The following PHRF1 variants were observed in gnomAD, a reference collection of about 807,000 sequenced individuals.
PHRF1 encodes PHD and ring finger domains 1.
A neutral mutation model predicts 128.9 loss-of-function variants in PHRF1; 53 were observed. The ratio of observed to expected loss-of-function variants is 0.41; its 90% CI spans 0.33 to 0.52. The LOEUF (loss-of-function observed/expected upper bound fraction) is 0.52, where lower values mean the gene tolerates loss of function less well. Among genes scored for constraint, PHRF1 ranks in the 20% least tolerant of loss-of-function variants. The pLI is 0.21. For missense variants in PHRF1, 2,503 were observed against 2,284.5 expected, an observed-to-expected ratio of 1.10 and a Z score of -1.95; for synonymous variants, 1,178 against 980.6, an observed-to-expected ratio of 1.20 and a Z score of -3.76.
At chr11:584,513 TG>T (rs1854406970) in intron 3 of PHRF1, among the ~76,000 whole-genome samples, 2 of 150,486 alleles carry the variant, frequency 1.3e-5, no homozygotes, top group South Asian at 4.3e-4. Context: ...GGACCTGGGG[TG>T]GGGAGAGGCT....
intron 1 of PHRF1, among the ~76,000 whole-genome samples, chr11:579,233 C>T (rs910567064): frequency 9.3e-5 from 14 of 150,934 alleles, no homozygotes; most frequent in Non-Finnish European, 1.8e-4. Flanking sequence ...CCCAGCCCTG[C>T]TCCTCCCCCC....
rs756838361 is a variant in PHRF1 at position 587,410 on chromosome 11, G to A, written c.366G>A (p.Thr122=). Residue 122 remains threonine, a synonymous_variant, in exon 4 of 18, where the codon ACG becomes ACA. Coordinates refer to ENST00000264555, the MANE Select transcript of PHRF1 (RefSeq NM_001286581.2). ...LNAFRDQAVG[T]PENCAHYFCL... ...CATTCAGAGACCAGGCCGTGGGGACGCCGGAGAACTGTGCCCATTACTTCT... is the reference window on the plus strand; with the variant it reads ...CATTCAGAGACCAGGCCGTGGGGACACCGGAGAACTGTGCCCATTACTTCT... 2.3e-5 allele frequency: 37 copies of A among 1,613,784 alleles called. No homozygotes were observed. The South Asian group carries it at 2.9e-4, about 12-fold the overall frequency.
Position 606,529 on chromosome 11 carries a change from C to T in PHRF1, c.1542C>T (p.Ser514=). The T allele has an allele frequency of 1.9e-6, 3 of 1,610,534 alleles. No individual in the cohort carries two copies. Among genetic ancestry groups the T allele is most frequent in the Non-Finnish European group, 2.5e-6 (3 of 1,179,672 alleles). ...TGGGCAGCATCCTGTCGGGCCAGAG[C>T]CTCCTGATGCTGGGCAGCAGTGATG... The part of the protein sequence containing the change: ...DLLGSILSGQ[S]LLMLGSSDVI... The change falls in exon 13 of 18, where the codon AGC becomes AGT. Residue 514 remains serine (S), a synonymous_variant. Coordinates refer to ENST00000264555, the MANE Select transcript of PHRF1 (RefSeq NM_001286581.2).
chr11:602,290 T>C (rs760659666), intron 10 of PHRF1, among the ~76,000 whole-genome samples: 17 of 152,240 alleles, frequency 1.1e-4, no homozygotes, highest in Non-Finnish European at 2.2e-4. Context: ...TGGAGGGTGG[T>C]GTGTCATTCG....
intron 10 of PHRF1, among the ~76,000 whole-genome samples, chr11:603,016 C>T (rs1422453103): frequency 6.6e-6 from 1 of 151,862 alleles, no homozygotes; most frequent in Non-Finnish European, 1.5e-5. Context: ...CCACCTCGGC[C>T]CCCAAAGTGC....
Position 611,774 on chromosome 11 carries a change from C to A in PHRF1, c.4947C>A (p.Gly1649=). 6.2e-7 allele frequency: 1 copy of A among 1,601,434 alleles called. No homozygotes were observed. Among genetic ancestry groups the A allele is most frequent in the South Asian group, 1.1e-5 (1 of 89,986 alleles). The stretch of plus-strand genomic sequence containing the variant: ...AGCCGCCCACGCAGGGGGCCGAGGG[C>A]TGAGGCCAGGCAATCACGGGCTATG... ...GEEPPTQGAE[G] is the part of the protein sequence containing the mutation. Residue 1649 remains glycine (G), a synonymous_variant, in exon 18 of 18, where the codon GGC becomes GGA. Transcript: ENST00000264555.
intron 12 of PHRF1, among the ~76,000 whole-genome samples, chr11:606,019 G>C (rs1855919674): frequency 6.6e-6 from 1 of 152,172 alleles, no homozygotes; most frequent in Admixed American, 6.5e-5. Flanking sequence ...ACACCGCCTC[G>C]GGCAGGAGCA....
rs1017701294 is a variant in PHRF1, at chr11:607,723, A to T, written c.2267A>T (p.His756Leu). The T allele has an allele frequency of 6.2e-6, 10 of 1,611,792 alleles. No homozygotes were observed. The South Asian group carries it at 9.9e-5, about 16-fold the overall frequency. ...GSSRPPAPSS[H>L]GSLAPLGPSR... ...TCCCGGCCCCCAGCCCCCAGCTCCC[A>T]TGGCAGTTTGGCCCCACTGGGACCA... Residue 756 changes from histidine (H) to leucine (L), a missense_variant, in exon 14 of 18, where the codon CAT (histidine) becomes CTT (leucine). By Grantham distance (99) the His-to-Leu change is moderately conservative. Coordinates refer to ENST00000264555, the MANE Select transcript of PHRF1 (RefSeq NM_001286581.2).
chr11:607,722 C>G lies in PHRF1; in HGVS notation c.2266C>G (p.His756Asp). Reference sequence around the variant, plus strand: ...CTCCCGGCCCCCAGCCCCCAGCTCCCATGGCAGTTTGGCCCCACTGGGACC... The same window carrying G: ...CTCCCGGCCCCCAGCCCCCAGCTCCGATGGCAGTTTGGCCCCACTGGGACC... ...GSSRPPAPSSHGSLAPLGPSR... is the reference protein window; with the variant it reads ...GSSRPPAPSSDGSLAPLGPSR... Residue 756 changes from histidine (H) to aspartate (D), a missense_variant, in exon 14 of 18, where the codon CAT becomes GAT. Coordinates refer to ENST00000264555, the MANE Select transcript of PHRF1 (RefSeq NM_001286581.2). 1 of 1,611,952 alleles carries G rather than the reference C, an allele frequency of 6.2e-7. No individual in the cohort carries two copies. The highest frequency in any genetic ancestry group is 8.5e-7 in the Non-Finnish European group (1 of 1,179,398).
rs567380953 is a variant in PHRF1 at position 605,666 on chromosome 11, C to G, written c.1396C>G (p.Arg466Gly). 2.5e-6 allele frequency: 4 copies of G among 1,613,418 alleles called. No homozygotes were observed. Among genetic ancestry groups the G allele is most frequent in the African/African-American group, 1.3e-5 (1 of 74,942 alleles). ...PLSAKRRALS[R>G]SALQSHQPVA... ...GAGTGCCAAGAGACGGGCTCTGTCC[C>G]GGTCAGCCCTGCAGTCCCACCAGCC... Residue 466 changes from arginine (R) to glycine (G), a missense_variant, in exon 12 of 18, where the codon CGG (arginine) becomes GGG (glycine). By Grantham distance (125) the Arg-to-Gly change is moderately radical (BLOSUM62 -2). Coordinates refer to ENST00000264555, the MANE Select transcript of PHRF1 (RefSeq NM_001286581.2).
intron 9 of PHRF1, among the ~76,000 whole-genome samples, chr11:599,356 T>G (rs931983029): frequency 6.6e-6 from 1 of 151,652 alleles, no homozygotes; most frequent in Non-Finnish European, 1.5e-5. Context: ...GTTCAAGTGT[T>G]TCTCCTGCCT....
In PHRF1 at chr11:606,488, C is replaced by G; in HGVS notation, c.1501C>G (p.Pro501Ala). The change falls in exon 13 of 18, where the codon CCA becomes GCA. Residue 501 changes from proline to alanine, a missense_variant. By Grantham distance (27) the Pro-to-Ala change is conservative. Coordinates refer to ENST00000264555, the MANE Select transcript of PHRF1 (RefSeq NM_001286581.2). ...GCCAGAGCCAGACTTGGAGGAGGAG[C>G]CAGTGCCTGACCTGCTGGGCAGCAT... is the stretch of plus-strand genomic sequence containing the variant. ...AVPEPDLEEE[P>A]VPDLLGSILS... The G allele has an allele frequency of 6.3e-7, 1 of 1,597,308 alleles. No individual in the cohort carries two copies.
chr11:603,674 C>T (rs950760386), intron 10 of PHRF1, among the ~76,000 whole-genome samples: 2 of 150,544 alleles, frequency 1.3e-5, no homozygotes, highest in Non-Finnish European at 2.9e-5. Context: ...TTGTTTATTT[C>T]CTAGTAAATA....
At chr11:592,490 G>T in intron 5 of PHRF1, 69 bp from the exon 6 acceptor site, 2 of 1,480,016 alleles carry the variant, frequency 1.4e-6, no homozygotes, top group Non-Finnish European at 9.5e-7. Context: ...GATTAACTGC[G>T]TTTCACGCTG....
intron 3 of PHRF1, among the ~76,000 whole-genome samples, chr11:585,069 A>G (rs1229558425): frequency 6.6e-6 from 1 of 152,178 alleles, no homozygotes; most frequent in Non-Finnish European, 1.5e-5. Context: ...AGAAGTAGCC[A>G]GTGGGTCCCT....
In PHRF1 at chr11:581,994, G is replaced by C. The variant is rs202082756; in HGVS notation, c.127G>C (p.Gly43Arg). The change falls in exon 3 of 18, where the codon GGG (glycine) becomes CGG (arginine). Residue 43 changes from glycine to arginine, a missense_variant. Transcript: ENST00000264555. ...ESSVGSSGDS[G>R]DDSDSEHGDG... is the part of the protein sequence containing the mutation. ...CAGCGTGGGCAGCAGTGGGGACTCT[G>C]GGGACGACAGTGACAGCGAGCATGG... The C allele has an allele frequency of 1.2e-6, 2 of 1,606,984 alleles. No homozygotes were observed. Among genetic ancestry groups the C allele is most frequent in the African/African-American group, 2.7e-5 (2 of 74,858 alleles).
rs7113728 is a variant in PHRF1 at position 578,078 on chromosome 11, G to T, written c.-22+1486G>T. Among the ~76,000 whole-genome samples the T allele has an allele frequency of 9.4e-3, 1,431 of 152,272 alleles. 17 individuals are homozygous for T. The highest frequency in any genetic ancestry group is 0.033 in the African/African-American group (1,355 of 41,538). The stretch of plus-strand genomic sequence containing the variant: ...GTGGCCTGGGACATGGCAGAGGTGG[G>T]TATGGGGAAGGGAAGATTTGTTGGA... On this transcript the variant is annotated intron_variant, in intron 1 of 17. Coordinates refer to ENST00000264555, the MANE Select transcript of PHRF1 (RefSeq NM_001286581.2).
rs1003831693 is a variant in PHRF1, at chr11:597,179, C to T, written c.718+159C>T. 6.6e-6 allele frequency among the ~76,000 whole-genome samples: 1 copy of T among 151,844 alleles called. No individual in the cohort carries two copies. The highest frequency in any genetic ancestry group is 1.5e-5 in the Non-Finnish European group (1 of 67,932). Reference sequence around the variant, plus strand: ...GTGTCGGGAGGACATCTAGGGCTGTCTCGGGCTCGTCTTCTCGGGGATGTG... The same window carrying T: ...GTGTCGGGAGGACATCTAGGGCTGTTTCGGGCTCGTCTTCTCGGGGATGTG... On this transcript the variant is annotated intron_variant, in intron 7 of 17. Transcript: ENST00000264555. This position sits in a 1 kb window ranked among gnomAD's most constrained non-coding sequence, Gnocchi z 6.5.
At chr11:586,151 A>G (rs1002242148) in intron 3 of PHRF1, among the ~76,000 whole-genome samples, 2 of 151,972 alleles carry the variant, frequency 1.3e-5, no homozygotes, top group Non-Finnish European at 2.9e-5. Flanking sequence ...TTGAGCCACC[A>G]CGCCTGGCAA....
Sources: allele counts gnomAD v4.1 joint callset (sites outside exome capture counted in the v4.1 genomes callset), GRCh38; gene constraint gnomAD v4.1.1; non-coding constraint Gnocchi (gnomAD v3.1); transcripts MANE v1.5; gene names NCBI Gene and HGNC (gene_info 2026-07-23, HGNC 2026-07-21).